The following PPARGC1A variants were observed in gnomAD, a reference collection of about 807,000 sequenced individuals.
PPARGC1A encodes the protein peroxisome proliferator-activated receptor gamma coactivator 1-alpha.
Under a neutral mutation model 88.7 loss-of-function variants are expected in PPARGC1A, and 25 were observed. The ratio of observed to expected loss-of-function variants is 0.28; its 90% CI spans 0.21 to 0.39. The LOEUF (loss-of-function observed/expected upper bound fraction) is 0.39, where lower values mean the gene tolerates loss of function less well. Among genes scored for constraint, PPARGC1A ranks in the 10% least tolerant of loss-of-function variants. The pLI is 1.00. For missense variants in PPARGC1A, 880 were observed against 968.7 expected, an observed-to-expected ratio of 0.91 and a Z score of 1.22; for synonymous variants, 363 against 355.6, an observed-to-expected ratio of 1.02 and a Z score of -0.24.
the PPARGC1A span, among the ~76,000 whole-genome samples, chr4:24,360,222 C>T: frequency 8.4e-3 from 1,285 of 152,276 alleles, 14 homozygotes; most frequent in African/African-American, 0.018. Flanking sequence ...CCACCACGGT[C>T]CATTTTCCAC....
At chr4:24,437,413 A>G in the PPARGC1A span, among the ~76,000 whole-genome samples, 1,787 of 152,248 alleles carry the variant, frequency 0.012, 29 homozygotes, top group South Asian at 0.035. Context: ...TGCTGAGGGA[A>G]CGGGGGGTCC....
chr4:23,942,048 C>T, the PPARGC1A span, among the ~76,000 whole-genome samples: 1 of 151,756 alleles, frequency 6.6e-6, no homozygotes, highest in Non-Finnish European at 1.5e-5. Flanking sequence ...TGGGCAGATA[C>T]AGTCTTTTCA....
intron 10 of PPARGC1A, among the ~76,000 whole-genome samples, chr4:23,809,067 C>A (rs1337054853): frequency 5.9e-5 from 9 of 151,836 alleles, no homozygotes; most frequent in African/African-American, 2.2e-4. Context: ...TAATTTGCTT[C>A]TTACTCATTA....
the PPARGC1A span, among the ~76,000 whole-genome samples, chr4:24,240,018 G>A: frequency 0.23 from 35,705 of 152,060 alleles, 4,609 homozygotes; most frequent in Non-Finnish European, 0.29. Flanking sequence ...TTGAATTCAA[G>A]TAAATTAAAA....
At chr4:24,321,096 A>C in the PPARGC1A span, among the ~76,000 whole-genome samples, 1 of 152,174 alleles carries the variant, frequency 6.6e-6, no homozygotes, top group South Asian at 2.1e-4. Context: ...AAGAAGAGGA[A>C]ATTTCTCTGC....
the PPARGC1A span, among the ~76,000 whole-genome samples, chr4:23,913,242 T>TTATATATATA: frequency 1.6e-4 from 15 of 94,602 alleles, no homozygotes; most frequent in African/African-American, 4.3e-4. Context: ...ATTATATATT[T>TTATATATATA]TATATATATA....
the PPARGC1A span, among the ~76,000 whole-genome samples, chr4:24,078,567 T>C: frequency 6.6e-6 from 1 of 152,106 alleles, no homozygotes; most frequent in East Asian, 1.9e-4. Flanking sequence ...GGATCAGGTC[T>C]GTTTGGTCAT....
the PPARGC1A span, among the ~76,000 whole-genome samples, chr4:24,381,842 T>G: frequency 6.6e-6 from 1 of 152,220 alleles, no homozygotes; most frequent in Non-Finnish European, 1.5e-5. Context: ...AAAATCCACT[T>G]TTATAGTACA....
At chr4:23,998,765 C>A in the PPARGC1A span, among the ~76,000 whole-genome samples, 1 of 152,084 alleles carries the variant, frequency 6.6e-6, no homozygotes, top group Admixed American at 6.5e-5. Context: ...AGGTTGCTTC[C>A]CTTCAGAATA....
the PPARGC1A span, among the ~76,000 whole-genome samples, chr4:24,039,338 T>C: frequency 6.6e-6 from 1 of 152,168 alleles, no homozygotes; most frequent in East Asian, 1.9e-4. Flanking sequence ...TTGAGGTTCT[T>C]ACGAGAAATA....
chr4:24,180,367 A>AAT, the PPARGC1A span, among the ~76,000 whole-genome samples: 3 of 152,184 alleles, frequency 2.0e-5, no homozygotes, highest in Non-Finnish European at 4.4e-5. Context: ...TGTTTCATAA[A>AAT]CTGGTTACAT....
chr4:24,387,746 A>AAGAG, the PPARGC1A span, among the ~76,000 whole-genome samples: 32 of 61,172 alleles, frequency 5.2e-4, 1 homozygote, highest in Middle Eastern at 7.2e-3. Context: ...GAAAGAAAGA[A>AAGAG]AGAGAGAGAG....
At chr4:23,842,983 C>T (rs775827311) in intron 2 of PPARGC1A, among the ~76,000 whole-genome samples, 2 of 152,052 alleles carry the variant, frequency 1.3e-5, no homozygotes, top group Non-Finnish European at 2.9e-5. Flanking sequence ...CAATATCTTA[C>T]ATTAATGTGC....
the PPARGC1A span, among the ~76,000 whole-genome samples, chr4:24,102,092 G>A: frequency 6.6e-6 from 1 of 152,142 alleles, no homozygotes; most frequent in East Asian, 1.9e-4. Context: ...CCCCAACATA[G>A]CTTCAGCTCC....
chr4:24,043,317 C>G, the PPARGC1A span, among the ~76,000 whole-genome samples: 12 of 152,134 alleles, frequency 7.9e-5, no homozygotes, highest in South Asian at 6.2e-4. Context: ...CCCCTTCCAA[C>G]TCAACTTGTT....
the PPARGC1A span, among the ~76,000 whole-genome samples, chr4:24,083,877 G>A: frequency 6.6e-6 from 1 of 152,198 alleles, no homozygotes; most frequent in Admixed American, 6.5e-5. Context: ...TTTTTGTCCT[G>A]TCTAACAAAC....
the PPARGC1A span, among the ~76,000 whole-genome samples, chr4:24,249,053 A>C: frequency 6.6e-6 from 1 of 152,166 alleles, no homozygotes; most frequent in African/African-American, 2.4e-5. Flanking sequence ...TCCATTTTAT[A>C]ATACAGTCCA....
At chr4:24,222,803 A>G in the PPARGC1A span, among the ~76,000 whole-genome samples, 1 of 152,220 alleles carries the variant, frequency 6.6e-6, no homozygotes, top group South Asian at 2.1e-4. Context: ...CATTTAAATA[A>G]GTTAGTATTA....
At chr4:23,992,529 C>T in the PPARGC1A span, among the ~76,000 whole-genome samples, 1 of 151,858 alleles carries the variant, frequency 6.6e-6, no homozygotes, top group Non-Finnish European at 1.5e-5. Flanking sequence ...CAAGTTTGCA[C>T]CCAAAAAAAA....
Sources: allele counts gnomAD v4.1 joint callset (sites outside exome capture counted in the v4.1 genomes callset), GRCh38; gene constraint gnomAD v4.1.1; transcripts MANE v1.5; gene names NCBI Gene and HGNC (gene_info 2026-07-23, HGNC 2026-07-21).